CFAP46: variants seen among roughly 807,000 people sequenced by gnomAD.
The protein encoded by CFAP46 is cilia and flagella associated protein 46, also known as cilia- and flagella-associated protein 46.
Under a neutral mutation model 325.7 loss-of-function variants are expected in CFAP46, and 245 were observed. That is an observed-to-expected ratio of 0.75 (90% CI 0.68 to 0.84). The LOEUF (loss-of-function observed/expected upper bound fraction) is 0.84, where lower values mean the gene tolerates loss of function less well. Among genes scored for constraint, CFAP46 ranks in the 40% least tolerant of loss-of-function variants. The pLI is 0.00. For synonymous variants in CFAP46, 1,523 were observed against 1,495.9 expected (o/e 1.02, Z -0.42); for missense variants, 3,346 against 3,543.0 (o/e 0.94, Z 1.41).
intron 56 of CFAP46, 128 bp downstream of exon 56, chr10:132,810,822 C>A: frequency 1.1e-6 from 1 of 876,296 alleles, no homozygotes. Context: ...AACGCATGTG[C>A]ACCCTGACAG....
rs1848874147 is a variant in CFAP46, at chr10:132,869,956, T to C, written c.4512-584A>G. Among the ~76,000 whole-genome samples, 1 of 152,230 alleles carries C rather than the reference T, an allele frequency of 6.6e-6. No homozygotes were observed. Among genetic ancestry groups the C allele is most frequent in the African/African-American group, 2.4e-5 (1 of 41,466 alleles). The stretch of plus-strand genomic sequence containing the variant: ...TGTATTGCGCTGCTCAGATGTTGCA[T>C]ATTTTACAAATTGAAAGTCTGGGGC... On this transcript the variant is annotated intron_variant, in intron 32 of 57. Coordinates refer to ENST00000368586, the MANE Select transcript of CFAP46 (RefSeq NM_001200049.3). This position sits in a 1 kb window ranked among gnomAD's most constrained non-coding sequence, Gnocchi z 6.2.
intron 24 of CFAP46, among the ~76,000 whole-genome samples, chr10:132,898,178 C>T (rs1849343277): frequency 6.6e-6 from 1 of 152,224 alleles, no homozygotes; most frequent in Admixed American, 6.5e-5. Flanking sequence ...ACCCGAGAGT[C>T]TCAGCCTCTT....
rs546560790 is a variant in CFAP46, at chr10:132,847,434, T to C, written c.5953-113A>G. 2.3e-5 allele frequency: 30 copies of C among 1,309,318 alleles called. No homozygotes were observed. The East Asian group carries it at 6.9e-4, about 30-fold the overall frequency. 81.1% of individuals were successfully genotyped at this position (1,309,318 alleles called of 1,614,324 possible). A position where few individuals can be genotyped will look rare whatever the true frequency, so the allele number is the denominator to read the frequency against. The stretch of plus-strand genomic sequence containing the variant: ...CGGGCTCCTCAGCAGGGTCCCCGGG[T>C]AGGGGGTACCGCAGGCCACAGCATG... On this transcript the variant is annotated intron_variant, in intron 41 of 57. Transcript: ENST00000368586. This position sits in a 1 kb window ranked among gnomAD's most constrained non-coding sequence, Gnocchi z 5.2.
chr10:132,847,515 C>T lies in CFAP46; in HGVS notation c.5953-194G>A, dbSNP rs1454624755. On this transcript the variant is annotated intron_variant, in intron 41 of 57. Coordinates refer to ENST00000368586, the MANE Select transcript of CFAP46 (RefSeq NM_001200049.3). The surrounding 1 kb of genome is among the most constrained non-coding windows in gnomAD (Gnocchi z 5.2). ...GAGTTGATGCAGGGTGGCCCTGACCCGTGAGCCTGGGCAAGGGGACGCTGG... is the reference window on the plus strand; with the variant it reads ...GAGTTGATGCAGGGTGGCCCTGACCTGTGAGCCTGGGCAAGGGGACGCTGG... Among the ~76,000 whole-genome samples the T allele has an allele frequency of 1.3e-5, 2 of 152,070 alleles. No homozygotes were observed. Among genetic ancestry groups the T allele is most frequent in the East Asian group, 1.9e-4 (1 of 5,168 alleles).
Position 132,847,347 on chromosome 10 carries a change from GAC to G in CFAP46, c.5953-28_5953-27del. 6.2e-7 allele frequency: 1 copy of G among 1,612,636 alleles called. No homozygotes were observed. Among genetic ancestry groups the G allele is most frequent in the Non-Finnish European group, 8.5e-7 (1 of 1,179,436 alleles). ...CTGTGACACACATTGCAGGTTGGCA[GAC>G]ACTTCTGGGTTCCTGCTTGGTCGGC... On this transcript the variant is annotated intron_variant, in intron 41 of 57. Transcript: ENST00000368586. The surrounding 1 kb of genome is among the most constrained non-coding windows in gnomAD (Gnocchi z 5.2).
Position 132,916,564 on chromosome 10 carries a change from T to G in CFAP46, c.2105A>C (p.Glu702Ala). ...CTCTGCCCACCTGTATGTGATCCAC[T>G]CAGCATTCACCTCCGGGGGCTCAGG... Reference protein sequence around the residue: ...YVPEPPEVNAEWITYRTWIES... With the variant: ...YVPEPPEVNAAWITYRTWIES... The change falls in exon 17 of 58, where the codon GAG becomes GCG. Residue 702 changes from glutamate (E) to alanine (A), a missense_variant. Transcript: ENST00000368586. 6.5e-7 allele frequency: 1 copy of G among 1,547,944 alleles called. No homozygotes were observed. Among genetic ancestry groups the G allele is most frequent in the Non-Finnish European group, 8.7e-7 (1 of 1,145,798 alleles).
rs1390052423 is a variant in CFAP46, at chr10:132,828,598, ATTC to A, written c.7117+4757_7117+4759del. Among the ~76,000 whole-genome samples the A allele has an allele frequency of 6.6e-6, 1 of 152,122 alleles. No homozygotes were observed. Among genetic ancestry groups the A allele is most frequent in the African/African-American group, 2.4e-5 (1 of 41,400 alleles). ...AGTCTAAATTTGTTACTGTTATCAG[ATTC>A]TTCCAGTCTTGGCGTAACTTTTCAT... On this transcript the variant is annotated intron_variant, in intron 50 of 57. Coordinates refer to ENST00000368586, the MANE Select transcript of CFAP46 (RefSeq NM_001200049.3). The surrounding 1 kb of genome is among the most constrained non-coding windows in gnomAD (Gnocchi z 4.9).
intron 57 of CFAP46, 85 bp downstream of exon 57, chr10:132,810,324 G>A: frequency 8.8e-7 from 1 of 1,137,188 alleles, no homozygotes; most frequent in Non-Finnish European, 1.3e-6. Flanking sequence ...ACCTGTCCCT[G>A]CAGGGCTGTG....
In CFAP46 at chr10:132,885,880, C is replaced by T. The variant is rs567821769; in HGVS notation, c.3384G>A (p.Glu1128=). 1.9e-6 allele frequency: 3 copies of T among 1,550,280 alleles called. No homozygotes were observed. The highest frequency in any genetic ancestry group is 2.7e-5 in the African/African-American group (2 of 73,172). Residue 1128 remains glutamate (E), a synonymous_variant, in exon 26 of 58, where the codon GAG becomes GAA. Coordinates refer to ENST00000368586, the MANE Select transcript of CFAP46 (RefSeq NM_001200049.3). ...FHSHADQDDW[E]GGLKVLDEAV... ...CCTCGTCCAGCACCTTGAGGCCGCC[C>T]TCCCAGTCGTCCTGGTCGGCATGGC...
intron 11 of CFAP46, among the ~76,000 whole-genome samples, chr10:132,923,250 G>A (rs1428461497): frequency 2.7e-5 from 4 of 147,478 alleles, no homozygotes; most frequent in African/African-American, 1.0e-4. Flanking sequence ...ATGTGGGGGT[G>A]CCCTGGAACC....
chr10:132,814,057 C>A, intron 54 of CFAP46, 95 bp downstream of exon 54: 1 of 897,516 alleles, frequency 1.1e-6, no homozygotes, highest in Non-Finnish European at 1.8e-6. Context: ...ACTGGCAGGG[C>A]AGACCCAGGG....
intron 18 of CFAP46, 29 bp from the exon 19 acceptor site, chr10:132,912,849 T>C (rs543256859): frequency 6.5e-7 from 1 of 1,544,770 alleles, no homozygotes; most frequent in African/African-American, 1.4e-5. Flanking sequence ...AGAGGGAACC[T>C]TGGCCCCCGC....
At chr10:132,834,912 G>T (rs1480495668) in intron 47 of CFAP46, 137 bp from the exon 48 acceptor site, 3 of 1,258,066 alleles carry the variant, frequency 2.4e-6, no homozygotes, top group Non-Finnish European at 3.2e-6. Context: ...ACCTGGCTCG[G>T]CAACGAGGGC....
chr10:132,894,672 A>G (rs1849297915), intron 24 of CFAP46, among the ~76,000 whole-genome samples: 1 of 152,214 alleles, frequency 6.6e-6, no homozygotes, highest in Non-Finnish European at 1.5e-5. Flanking sequence ...AAAAAGGATT[A>G]TAAGAAAATC....
chr10:132,826,041 A>T (rs1353988644), intron 50 of CFAP46, among the ~76,000 whole-genome samples: 1 of 115,968 alleles, frequency 8.6e-6, no homozygotes, highest in Non-Finnish European at 1.8e-5. Context: ...CCATGGAGCC[A>T]GGCAGGAGCC....
chr10:132,875,218 T>G (rs141334395), intron 31 of CFAP46, among the ~76,000 whole-genome samples: 1 of 150,620 alleles, frequency 6.6e-6, no homozygotes, highest in East Asian at 1.9e-4. Flanking sequence ...AAAACTCTGG[T>G]CTATTGTTAA....
chr10:132,922,734 GC>G (rs1163139293), intron 11 of CFAP46, 26 bp from the exon 12 acceptor site: 1 of 1,520,468 alleles, frequency 6.6e-7, no homozygotes, highest in Non-Finnish European at 8.9e-7. Flanking sequence ...GGCATCAGGG[GC>G]CCTGGCGGCG....
Position 132,811,038 on chromosome 10 carries a change from G to T in CFAP46, c.7502-7C>A. 6.3e-7 allele frequency: 1 copy of T among 1,578,902 alleles called. No individual in the cohort carries two copies. On this transcript the variant is annotated splice_polypyrimidine_tract_variant and splice_region_variant and intron_variant, in intron 55 of 57. Transcript: ENST00000368586. ...AGGACTGCCACCTGGCACTCTGCCG[G>T]GACGGGAAGGGCAGCTCAGCAGCCT...
intron 50 of CFAP46, among the ~76,000 whole-genome samples, chr10:132,829,096 A>C (rs1037010055): frequency 2.2e-4 from 34 of 151,916 alleles, no homozygotes; most frequent in African/African-American, 7.5e-4. Flanking sequence ...AAAAAAAAAA[A>C]AAAACATCCT....
Sources: gnomAD v4.1 joint callset for allele counts (sites outside exome capture counted in the v4.1 genomes callset) on GRCh38, gnomAD v4.1.1 for gene constraint, Gnocchi (gnomAD v3.1) non-coding constraint, MANE v1.5 for transcripts, NCBI Gene and HGNC (gene_info 2026-07-23, HGNC 2026-07-21) for gene names.